The following ARHGAP25 variants were observed in gnomAD, a reference collection of about 807,000 sequenced individuals.
ARHGAP25 encodes the protein Rho GTPase activating protein 25.
In ARHGAP25, 34 loss-of-function variants were observed where a neutral mutation model predicts 71.0. That is an observed-to-expected ratio of 0.48 (90% CI 0.36 to 0.64). The LOEUF is 0.64. Among genes scored for constraint, ARHGAP25 ranks in the 30% least tolerant of loss-of-function variants. The pLI is 0.00. For missense variants in ARHGAP25, 706 were observed against 805.1 expected, an observed-to-expected ratio of 0.88 and a Z score of 1.49; for synonymous variants, 282 against 296.5, an observed-to-expected ratio of 0.95 and a Z score of 0.50.
chr2:68,769,033 C>T (rs556449269), intron 1 of ARHGAP25, among the ~76,000 whole-genome samples: 1 of 152,250 alleles, frequency 6.6e-6, no homozygotes, highest in East Asian at 1.9e-4. Flanking sequence ...AACCCCAGAC[C>T]TCACAAAAAT....
intron 4 of ARHGAP25, among the ~76,000 whole-genome samples, chr2:68,791,505 T>C (rs1444334223): frequency 1.3e-5 from 2 of 152,088 alleles, no homozygotes; most frequent in Non-Finnish European, 1.5e-5. Context: ...CCTCCAAGTA[T>C]GTCGGTGGTG....
intron 2 of ARHGAP25, among the ~76,000 whole-genome samples, chr2:68,711,651 G>A (rs969092805): frequency 1.3e-5 from 2 of 151,842 alleles, no homozygotes; most frequent in African/African-American, 2.4e-5. Context: ...GTATTTCTCC[G>A]AATGCTATCC....
At chr2:68,818,119 T>C (rs530223140) in intron 8 of ARHGAP25, 125 bp downstream of exon 8, 1 of 1,299,856 alleles carries the variant, frequency 7.7e-7, no homozygotes, top group African/African-American at 1.5e-5. Context: ...CTCATCTGAA[T>C]CATGCAATAG....
At chr2:68,777,583 C>G (rs540945708) in intron 2 of ARHGAP25, among the ~76,000 whole-genome samples, 1 of 152,242 alleles carries the variant, frequency 6.6e-6, no homozygotes, top group South Asian at 2.1e-4. Context: ...GGTAACACTT[C>G]TAGGATGACA....
upstream of ARHGAP25, among the ~76,000 whole-genome samples, chr2:68,732,737 T>A (rs931464726): frequency 8.5e-5 from 13 of 152,242 alleles, no homozygotes; most frequent in African/African-American, 2.9e-4. Context: ...CTTGGCCATG[T>A]GACCTGTGTT....
intron 3 of ARHGAP25, among the ~76,000 whole-genome samples, chr2:68,787,523 G>T (rs1292914832): frequency 6.6e-6 from 1 of 152,256 alleles, no homozygotes; most frequent in Non-Finnish European, 1.5e-5. Context: ...TCTCATCTAT[G>T]CTGAAACTGC....
intron 2 of ARHGAP25, among the ~76,000 whole-genome samples, chr2:68,715,740 T>G (rs1301246682): frequency 6.6e-6 from 1 of 152,152 alleles, no homozygotes; most frequent in East Asian, 1.9e-4. Context: ...TCTTGTATGA[T>G]ATGTATTATT....
intron 4 of ARHGAP25, among the ~76,000 whole-genome samples, chr2:68,788,933 C>A (rs1298878439): frequency 1.3e-5 from 2 of 152,160 alleles, no homozygotes; most frequent in Non-Finnish European, 2.9e-5. Context: ...AAAAAATATT[C>A]CACCAGAGGC....
intron 1 of ARHGAP25, among the ~76,000 whole-genome samples, chr2:68,736,150 G>T (rs1262760745): frequency 1.3e-5 from 2 of 152,192 alleles, no homozygotes; most frequent in African/African-American, 2.4e-5. Context: ...TTGGAAAAAG[G>T]TTTAGATTTG....
At chr2:68,717,089 C>A (rs913835853) in intron 2 of ARHGAP25, among the ~76,000 whole-genome samples, 1 of 152,150 alleles carries the variant, frequency 6.6e-6, no homozygotes, top group Non-Finnish European at 1.5e-5. Flanking sequence ...CTAGGTGGTA[C>A]ACACCTAGGC....
Position 68,815,576 on chromosome 2 carries a change from G to A in ARHGAP25, c.808-713G>A, listed in dbSNP as rs7592291. 8.3e-3 allele frequency among the ~76,000 whole-genome samples: 1,236 copies of A among 148,654 alleles called. 18 individuals are homozygous for A. Among genetic ancestry groups the A allele is most frequent in the African/African-American group, 0.029 (1,165 of 40,456 alleles). ...AGCGATTCTTCTGCCTCAGCCTCCCGAGTAGCTGGGGTTACAGCCGTCCGC... is the reference window on the plus strand; with the variant it reads ...AGCGATTCTTCTGCCTCAGCCTCCCAAGTAGCTGGGGTTACAGCCGTCCGC... On this transcript the variant is annotated intron_variant, in intron 6 of 10. Transcript: ENST00000409202.
intron 4 of ARHGAP25, among the ~76,000 whole-genome samples, chr2:68,798,228 C>G (rs1447941489): frequency 6.6e-6 from 1 of 152,076 alleles, no homozygotes; most frequent in East Asian, 1.9e-4. Flanking sequence ...TTCTCTGCAC[C>G]CTTATGAGCA....
At chr2:68,795,582 C>T (rs1252396690) in intron 4 of ARHGAP25, among the ~76,000 whole-genome samples, 9 of 151,946 alleles carry the variant, frequency 5.9e-5, no homozygotes, top group Admixed American at 2.0e-4. Flanking sequence ...TTTGAAGTTC[C>T]TCTTGGTATT....
At position 68,750,173 on chromosome 2, in the gene ARHGAP25, A is replaced by ATT. The variant is rs397971254; in HGVS notation, c.61+14925_61+14926dup. Among the ~76,000 whole-genome samples the ATT allele has an allele frequency of 2.5e-3, 357 of 143,148 alleles. 1 individual carries two copies. The highest frequency in any genetic ancestry group is 3.5e-3 in the Non-Finnish European group (228 of 65,894). The allele number at this position is 143,148 out of a possible 152,430, so 93.9% of individuals were successfully genotyped here. On this transcript the variant is annotated intron_variant, in intron 1 of 10. Coordinates refer to ENST00000409202, the MANE Select transcript of ARHGAP25 (RefSeq NM_001007231.3). ...AGGCGTGCACCGCCATGCCCGGCTG[A>ATT]TTTTTTTTTTTTTCTTTTTGTAGAG...
intron 1 of ARHGAP25, among the ~76,000 whole-genome samples, chr2:68,766,592 C>T (rs1677134808): frequency 6.6e-6 from 1 of 152,090 alleles, no homozygotes; most frequent in Admixed American, 6.6e-5. Flanking sequence ...GGAGAGGCAC[C>T]CTAGGTGAAA....
chr2:68,812,862 G>T (rs974356130), intron 5 of ARHGAP25, among the ~76,000 whole-genome samples: 6 of 152,154 alleles, frequency 3.9e-5, no homozygotes, highest in Non-Finnish European at 8.8e-5. Context: ...GTGAACCTCA[G>T]AACTATTTTA....
chr2:68,735,957 C>T (rs1344232667), intron 1 of ARHGAP25, among the ~76,000 whole-genome samples: 5 of 152,128 alleles, frequency 3.3e-5, no homozygotes, highest in African/African-American at 7.2e-5. Context: ...TCTATATATT[C>T]GTTATGAAGT....
At chr2:68,784,613 G>A (rs2104395445) in intron 3 of ARHGAP25, among the ~76,000 whole-genome samples, 1 of 152,232 alleles carries the variant, frequency 6.6e-6, no homozygotes, top group Non-Finnish European at 1.5e-5. Flanking sequence ...GGAATCACCA[G>A]GAAGGGGTTG....
intron 2 of ARHGAP25, among the ~76,000 whole-genome samples, chr2:68,722,079 C>T (rs565160287): frequency 2.0e-3 from 302 of 152,340 alleles, no homozygotes; most frequent in African/African-American, 6.8e-3. Flanking sequence ...GGACAGACAG[C>T]GTCCTTTCTC....
Sources: allele counts gnomAD v4.1 joint callset (sites outside exome capture counted in the v4.1 genomes callset), GRCh38; gene constraint gnomAD v4.1.1; transcripts MANE v1.5; gene names NCBI Gene and HGNC (gene_info 2026-07-23, HGNC 2026-07-21).